Variants in PLCG2 observed in about 807,000 individuals in gnomAD.
PLCG2 encodes phospholipase C gamma 2.
PLCG2 carries 69 observed loss-of-function variants against 175.6 expected under a neutral mutation model. The ratio of observed to expected loss-of-function variants is 0.39; its 90% CI spans 0.32 to 0.48. PLCG2 has a LOEUF of 0.48. Among genes scored for constraint, PLCG2 ranks in the 20% least tolerant of loss-of-function variants. PLCG2 has a pLI of 0.91. For missense variants in PLCG2, 1,798 were observed against 1,650.9 expected (o/e 1.09, Z -1.54); for synonymous variants, 827 against 624.0 (o/e 1.33, Z -4.85).
intron 27 of PLCG2, 180 bp from the exon 28 acceptor site, chr16:81,937,578 C>T: frequency 2.3e-6 from 1 of 442,334 alleles, no homozygotes. Flanking sequence ...AGGTGTTCCC[C>T]AGTCTGGGAG....
intron 2 of PLCG2, among the ~76,000 whole-genome samples, chr16:81,790,768 C>A (rs1911195205): frequency 6.6e-6 from 1 of 152,058 alleles, no homozygotes; most frequent in Non-Finnish European, 1.5e-5. Flanking sequence ...TGATTTTTGC[C>A]TCTCCCTCCC....
At chr16:81,897,963 G>A (rs1014371334) in intron 13 of PLCG2, 1 of 429,856 alleles carries the variant, frequency 2.3e-6, no homozygotes, top group Non-Finnish European at 4.7e-6. Context: ...TTCAATGAAG[G>A]CATATGATTT....
chr16:81,822,228 G>C lies in PLCG2; in HGVS notation c.194-32216G>C, dbSNP rs149124551. Among the ~76,000 whole-genome samples the C allele has an allele frequency of 1.3e-3, 204 of 152,214 alleles. 1 individual carries two copies. The highest frequency in any genetic ancestry group is 4.4e-3 in the African/African-American group (182 of 41,534). ...GGGAAGATGTTCCAAAACTGTCTTT[G>C]AAATAATACTCTCCTCCTCTGCAGA... On this transcript the variant is annotated intron_variant, in intron 2 of 32. Coordinates refer to ENST00000564138, the MANE Select transcript of PLCG2 (RefSeq NM_002661.5).
At chr16:81,743,245 C>A (rs972300332) in intron 1 of PLCG2, among the ~76,000 whole-genome samples, 2 of 152,174 alleles carry the variant, frequency 1.3e-5, no homozygotes, top group African/African-American at 4.8e-5. Context: ...CAGCTACTAG[C>A]GAGGCTAAGG....
chr16:81,786,253 C>A lies in PLCG2; in HGVS notation c.193+71C>A. 5 of 1,245,628 alleles carry A rather than the reference C, an allele frequency of 4.0e-6. No homozygotes were observed. The South Asian group carries it at 6.6e-5, about 17-fold the overall frequency. 77.2% of individuals were successfully genotyped at this position (1,245,628 alleles called of 1,614,324 possible). ...CTGGCCTGAGCACCTGTCCACCTTC[C>A]TGTCTTGTCATTACTGTGATTGTTG... On this transcript the variant is annotated intron_variant, in intron 2 of 32. Coordinates refer to ENST00000564138, the MANE Select transcript of PLCG2 (RefSeq NM_002661.5).
Position 81,956,806 on chromosome 16 carries a change from C to T in PLCG2, c.3682C>T (p.Arg1228Trp), listed in dbSNP as rs202108152. The part of the protein sequence containing the change: ...DTHQNLRNAN[R>W]DALVKEFSVN... ...ACACCAGAACTTGCGCAATGCCAAC[C>T]GGGATGCCCTGGTTAAAGAGTTCAG... Residue 1228 changes from arginine to tryptophan, a missense_variant, in exon 32 of 33, where the codon CGG (arginine) becomes TGG (tryptophan). Coordinates refer to ENST00000564138, the MANE Select transcript of PLCG2 (RefSeq NM_002661.5). The T allele has an allele frequency of 2.5e-5, 40 of 1,614,054 alleles. No individual in the cohort carries two copies. Among genetic ancestry groups the T allele is most frequent in the African/African-American group, 6.7e-5 (5 of 74,926 alleles).
At chr16:81,954,549 T>C (rs150764230) in intron 31 of PLCG2, among the ~76,000 whole-genome samples, 5,835 of 152,270 alleles carry the variant, frequency 0.038, 410 homozygotes, top group African/African-American at 0.13. Context: ...TGTGTCCTCA[T>C]TGTTCAACTC....
chr16:81,778,051 A>ACAAAACAAACAAACAAAC (rs1597311877), upstream of PLCG2, among the ~76,000 whole-genome samples: 19 of 79,138 alleles, frequency 2.4e-4, 2 homozygotes, highest in Admixed American at 5.7e-4. Flanking sequence ...AACAAAAAAA[A>ACAAAACAAACAAACAAAC]AAACAAAAAA....
intron 2 of PLCG2, among the ~76,000 whole-genome samples, chr16:81,790,047 C>G (rs747631050): frequency 1.5e-4 from 23 of 152,220 alleles, no homozygotes; most frequent in Non-Finnish European, 2.4e-4. Context: ...TACCTCCACT[C>G]TCTGAACTTT....
intron 2 of PLCG2, among the ~76,000 whole-genome samples, chr16:81,764,402 T>C (rs1910101581): frequency 6.6e-6 from 1 of 152,196 alleles, no homozygotes; most frequent in South Asian, 2.1e-4. Context: ...AATGTCAATG[T>C]GACAGTGTAG....
intron 5 of PLCG2, among the ~76,000 whole-genome samples, chr16:81,862,828 T>G (rs1349364179): frequency 6.6e-6 from 1 of 152,074 alleles, no homozygotes; most frequent in Non-Finnish European, 1.5e-5. Flanking sequence ...ACCATGATTG[T>G]GCCACTGAGC....
At chr16:81,888,409 T>A (rs543461745) in intron 9 of PLCG2, among the ~76,000 whole-genome samples, 1 of 152,114 alleles carries the variant, frequency 6.6e-6, no homozygotes, top group South Asian at 2.1e-4. Flanking sequence ...TGTATTTTAG[T>A]AGAGATGGGG....
chr16:81,932,652 G>C (rs1910550221), intron 25 of PLCG2, among the ~76,000 whole-genome samples: 1 of 152,192 alleles, frequency 6.6e-6, no homozygotes, highest in Non-Finnish European at 1.5e-5. Context: ...GCCAGTCCCT[G>C]GTCACGAGAG....
intron 18 of PLCG2, 127 bp downstream of exon 18, chr16:81,910,847 T>A: frequency 1.2e-6 from 1 of 862,012 alleles, no homozygotes; most frequent in Non-Finnish European, 1.9e-6. Context: ...CACCGGCATC[T>A]CAAAATTGCC....
chr16:81,955,458 C>T (rs1204063444), intron 31 of PLCG2, among the ~76,000 whole-genome samples: 2 of 152,194 alleles, frequency 1.3e-5, no homozygotes, highest in Non-Finnish European at 2.9e-5. Context: ...GGCAAAACAT[C>T]CTCATCCTCC....
intron 2 of PLCG2, among the ~76,000 whole-genome samples, chr16:81,830,563 C>T (rs1013423723): frequency 6.6e-6 from 1 of 152,050 alleles, no homozygotes; most frequent in Non-Finnish European, 1.5e-5. Flanking sequence ...AGGCCTCAGC[C>T]TCCCAAAGTG....
intron 7 of PLCG2, 66 bp downstream of exon 7, chr16:81,871,001 A>G: frequency 4.6e-6 from 4 of 877,580 alleles, no homozygotes; most frequent in South Asian, 3.0e-5. Flanking sequence ...CAAGTCTGGC[A>G]TGTTCCTAAG....
rs765296008 is a variant in PLCG2, at chr16:81,905,525, C to T, written c.1467+18C>T. 3 of 1,563,822 alleles carry T rather than the reference C, an allele frequency of 1.9e-6. No individual in the cohort carries two copies. Among genetic ancestry groups the T allele is most frequent in the East Asian group, 4.5e-5 (2 of 44,644 alleles). The stretch of plus-strand genomic sequence containing the variant: ...TTGACCAGGTGGGCCTTGGTCCCTT[C>T]CCGTAGCCACTGCGGCCACGCCCCT... On this transcript the variant is annotated intron_variant, in intron 15 of 32. Transcript: ENST00000564138.
At chr16:81,745,895 C>T (rs1369797887) in intron 1 of PLCG2, among the ~76,000 whole-genome samples, 2 of 152,200 alleles carry the variant, frequency 1.3e-5, no homozygotes, top group East Asian at 3.8e-4. Context: ...TATTCCTGAG[C>T]CTCCTGGCTG....
Sources: gnomAD v4.1 joint callset for allele counts (sites outside exome capture counted in the v4.1 genomes callset) on GRCh38, gnomAD v4.1.1 for gene constraint, MANE v1.5 for transcripts, NCBI Gene and HGNC (gene_info 2026-07-23, HGNC 2026-07-21) for gene names.